The following COL5A2 variants were observed in gnomAD, a reference collection of about 807,000 sequenced individuals.
COL5A2 encodes collagen type V alpha 2 chain.
COL5A2 carries 23 observed loss-of-function variants against 208.2 expected under a neutral mutation model. The ratio of observed to expected loss-of-function variants is 0.11; its 90% CI spans 0.08 to 0.16. COL5A2 has a LOEUF of 0.16. COL5A2 is among the 10% of genes least tolerant of loss of function. COL5A2 has a pLI of 1.00. For synonymous variants in COL5A2, 625 were observed against 628.5 expected, an observed-to-expected ratio of 0.99 and a Z score of 0.08; for missense variants, 1,590 against 1,956.4, an observed-to-expected ratio of 0.81 and a Z score of 3.53.
chr2:189,370,473 T>A, the COL5A2 span, among the ~76,000 whole-genome samples: 271 of 152,266 alleles, frequency 1.8e-3, 1 homozygote, highest in African/African-American at 6.0e-3. Context: ...CATAAACTTT[T>A]GATATATAAT....
intron 1 of COL5A2, among the ~76,000 whole-genome samples, chr2:189,175,544 C>CTTT (rs35381713): frequency 3.7e-4 from 47 of 125,360 alleles, no homozygotes; most frequent in South Asian, 7.8e-4. Context: ...AAAAAGAAAA[C>CTTT]TTTTTTTTTT....
chr2:189,065,626 C>T (rs538710904), intron 23 of COL5A2, among the ~76,000 whole-genome samples: 20 of 152,278 alleles, frequency 1.3e-4, no homozygotes, highest in African/African-American at 4.3e-4. Flanking sequence ...AGATGAGAGG[C>T]ATAGGTACCA....
chr2:189,068,093 A>C lies in COL5A2; in HGVS notation c.1323T>G (p.Gly441=). ...KGPTGSPGTS[G]PPGSAGPPGS... ...CAGGAGGCCCTGCTGAGCCAGGAGG[A>C]CCAGAGGTACCTGGAGAGCCCTATT... Residue 441 remains glycine (G), a synonymous_variant, in exon 21 of 54, where the codon GGT becomes GGG. Coordinates refer to ENST00000374866, the MANE Select transcript of COL5A2 (RefSeq NM_000393.5). 1.9e-6 allele frequency: 3 copies of C among 1,613,886 alleles called. No individual in the cohort carries two copies. The highest frequency in any genetic ancestry group is 2.5e-6 in the Non-Finnish European group (3 of 1,179,842).
intron 41 of COL5A2, among the ~76,000 whole-genome samples, chr2:189,051,692 C>T (rs1332893847): frequency 6.6e-6 from 1 of 152,152 alleles, no homozygotes; most frequent in Non-Finnish European, 1.5e-5. Flanking sequence ...AACTAAATAT[C>T]ATTTGCAGTC....
chr2:189,198,403 A>C (rs1198642766), intron 1 of COL5A2, among the ~76,000 whole-genome samples: 8 of 152,190 alleles, frequency 5.3e-5, no homozygotes, highest in African/African-American at 1.9e-4. Context: ...AGATCTTATA[A>C]ATATAAAACC....
intron 1 of COL5A2, among the ~76,000 whole-genome samples, chr2:189,154,708 C>T (rs2105792271): frequency 6.6e-6 from 1 of 152,216 alleles, no homozygotes; most frequent in East Asian, 1.9e-4. Flanking sequence ...GCAATCTTCC[C>T]ACCTCGGCCA....
At chr2:189,361,093 GT>G in the COL5A2 span, among the ~76,000 whole-genome samples, 1 of 151,890 alleles carries the variant, frequency 6.6e-6, no homozygotes, top group Admixed American at 6.6e-5. Flanking sequence ...TGGATGGAAT[GT>G]TTTGTAAATG....
intron 4 of COL5A2, 120 bp downstream of exon 4, chr2:189,099,987 A>G: frequency 2.4e-6 from 2 of 832,590 alleles, no homozygotes; most frequent in Non-Finnish European, 3.9e-6. Context: ...TATACTAAAA[A>G]CTTGTTTTTA....
the COL5A2 span, among the ~76,000 whole-genome samples, chr2:189,408,834 T>C: frequency 1.3e-5 from 2 of 152,270 alleles, no homozygotes; most frequent in Non-Finnish European, 2.9e-5. Context: ...TCTGTCAAAT[T>C]TTTTGATATA....
At chr2:189,165,404 A>G (rs562944101) in intron 1 of COL5A2, among the ~76,000 whole-genome samples, 5 of 152,140 alleles carry the variant, frequency 3.3e-5, no homozygotes, top group Admixed American at 6.5e-5. Context: ...TCCCTCCCCA[A>G]TTTTGTCCCA....
intron 1 of COL5A2, among the ~76,000 whole-genome samples, chr2:189,189,684 G>GTA (rs10680299): frequency 0.75 from 112,765 of 150,700 alleles, 44,313 homozygotes; most frequent in Non-Finnish European, 0.88. Flanking sequence ...ATGTGTGCAT[G>GTA]TATATATATA....
At chr2:189,350,769 G>A in the COL5A2 span, among the ~76,000 whole-genome samples, 5 of 152,120 alleles carry the variant, frequency 3.3e-5, no homozygotes, top group African/African-American at 7.2e-5. Flanking sequence ...CCAGGAGACT[G>A]CTGAGAAAAT....
chr2:189,214,805 CA>C (rs1689258439), intron 1 of COL5A2, among the ~76,000 whole-genome samples: 2 of 152,114 alleles, frequency 1.3e-5, no homozygotes, highest in African/African-American at 4.8e-5. Flanking sequence ...TGAAATTCTG[CA>C]AAAGGTACTT....
intron 1 of COL5A2, among the ~76,000 whole-genome samples, chr2:189,136,518 A>ATG (rs1687829495): frequency 6.7e-6 from 1 of 149,408 alleles, no homozygotes; most frequent in South Asian, 2.1e-4. Context: ...TTTTATAAAT[A>ATG]TATATGTATA....
intron 12 of COL5A2, among the ~76,000 whole-genome samples, chr2:189,082,993 T>C (rs949511578): frequency 1.3e-5 from 2 of 152,110 alleles, no homozygotes; most frequent in Admixed American, 6.5e-5. Context: ...CCTTAAAAGA[T>C]AAGGGAGCAT....
chr2:189,072,719 C>T (rs1471381818), intron 17 of COL5A2, among the ~76,000 whole-genome samples: 1 of 136,360 alleles, frequency 7.3e-6, no homozygotes, highest in African/African-American at 2.8e-5. Flanking sequence ...TTGTAGTGAG[C>T]TGAGATCACG....
chr2:189,372,959 A>G, the COL5A2 span, among the ~76,000 whole-genome samples: 417 of 152,262 alleles, frequency 2.7e-3, no homozygotes, highest in African/African-American at 9.5e-3. Context: ...CGAAGCTAAG[A>G]CTGTTCCAAA....
chr2:189,136,404 G>T (rs966719528), intron 1 of COL5A2, among the ~76,000 whole-genome samples: 2 of 150,048 alleles, frequency 1.3e-5, no homozygotes, highest in Non-Finnish European at 3.0e-5. Flanking sequence ...TCATATGTGT[G>T]TATTGAGGAT....
the COL5A2 span, among the ~76,000 whole-genome samples, chr2:189,372,756 G>C: frequency 6.6e-6 from 1 of 152,026 alleles, no homozygotes; most frequent in African/African-American, 2.4e-5. Flanking sequence ...CAAAAATACA[G>C]TCATTATAAA....
Sources: gnomAD v4.1 joint callset for allele counts (sites outside exome capture counted in the v4.1 genomes callset) on GRCh38, gnomAD v4.1.1 for gene constraint, MANE v1.5 for transcripts, NCBI Gene and HGNC (gene_info 2026-07-23, HGNC 2026-07-21) for gene names.